HEATR5B: variants seen among roughly 807,000 people sequenced by gnomAD.
HEATR5B encodes HEAT repeat-containing protein 5B.
HEATR5B carries 156 observed loss-of-function variants against 224.1 expected under a neutral mutation model. That is an observed-to-expected ratio of 0.70 (90% CI 0.61 to 0.80). The LOEUF (loss-of-function observed/expected upper bound fraction) is 0.80. Ranked by LOEUF, HEATR5B falls within the 30% of genes least tolerant of loss-of-function variation. HEATR5B has a pLI of 0.00. For missense variants in HEATR5B, 2,323 were observed against 2,535.5 expected (o/e 0.92, Z 1.80); for synonymous variants, 1,027 against 893.0 (o/e 1.15, Z -2.68).
intron 17 of HEATR5B, 130 bp downstream of exon 17, chr2:37,053,368 TTAAC>T (rs1670681525): frequency 1.9e-5 from 8 of 428,150 alleles, no homozygotes; most frequent in Admixed American, 8.5e-5. Flanking sequence ...TTCAAGTAAT[TTAAC>T]TAAGCTAACG....
At chr2:36,997,647 A>G (rs1666815057) in intron 33 of HEATR5B, among the ~76,000 whole-genome samples, 3 of 143,462 alleles carry the variant, frequency 2.1e-5, no homozygotes, top group Non-Finnish European at 4.5e-5. Flanking sequence ...GCTCACTGCA[A>G]CCTCTGCCAC....
intron 21 of HEATR5B, among the ~76,000 whole-genome samples, chr2:37,035,818 C>G (rs1279379480): frequency 6.6e-6 from 1 of 152,174 alleles, no homozygotes; most frequent in East Asian, 1.9e-4. Flanking sequence ...CCAGACCTCT[C>G]TTTTCTGAGC....
At chr2:37,012,833 C>G (rs1667872528) in intron 27 of HEATR5B, among the ~76,000 whole-genome samples, 1 of 152,218 alleles carries the variant, frequency 6.6e-6, no homozygotes, top group Admixed American at 6.5e-5. Context: ...TCAATGTAAA[C>G]ATCACTTTCT....
chr2:36,986,660 C>T (rs537896532), intron 35 of HEATR5B, among the ~76,000 whole-genome samples: 1 of 152,224 alleles, frequency 6.6e-6, no homozygotes, highest in South Asian at 2.1e-4. Context: ...CTCTGTCACC[C>T]AGGCTGGAGC....
chr2:37,048,988 T>G (rs1204540897), intron 18 of HEATR5B, among the ~76,000 whole-genome samples: 1 of 152,230 alleles, frequency 6.6e-6, no homozygotes, highest in Non-Finnish European at 1.5e-5. Context: ...AAGAATGATA[T>G]AATTTACATA....
intron 27 of HEATR5B, among the ~76,000 whole-genome samples, chr2:37,010,127 G>A (rs977533198): frequency 1.3e-5 from 2 of 151,914 alleles, no homozygotes; most frequent in African/African-American, 4.8e-5. Context: ...CCTTTGTTTT[G>A]TAATACATTT....
chr2:37,062,361 C>T (rs902798562), intron 10 of HEATR5B, among the ~76,000 whole-genome samples: 2 of 151,954 alleles, frequency 1.3e-5, no homozygotes, highest in South Asian at 2.1e-4. Context: ...ACTGGGGAGG[C>T]GGAGGTTGCA....
At position 37,005,665 on chromosome 2, in the gene HEATR5B, G is replaced by GTA. The variant is rs1667367004; in HGVS notation, c.4871_4872insTA (p.Pro1625ThrfsTer13). 7.4e-6 allele frequency: 12 copies of GTA among 1,613,384 alleles called. No individual in the cohort carries two copies. The highest frequency in any genetic ancestry group is 1.0e-5 in the Non-Finnish European group (12 of 1,179,528). Reference sequence around the variant, plus strand: ...CTGCAATATGGACTCGAGCATAAGGGGAGTCTAGCAAGGTATGTAAGGCCT... The same window carrying GTA: ...CTGCAATATGGACTCGAGCATAAGGGTAGAGTCTAGCAAGGTATGTAAGGCCT... On this transcript the variant is annotated frameshift_variant, in exon 30 of 36. Transcript: ENST00000233099. LOFTEE classifies it high-confidence loss of function.
chr2:37,014,588 C>T (rs1203987948), intron 26 of HEATR5B, among the ~76,000 whole-genome samples: 4 of 151,878 alleles, frequency 2.6e-5, no homozygotes, highest in Non-Finnish European at 4.4e-5. Context: ...AATAATTTTC[C>T]ACCCAAAGCA....
chr2:36,984,090 C>T (rs899925108), intron 35 of HEATR5B, among the ~76,000 whole-genome samples: 1 of 148,866 alleles, frequency 6.7e-6, no homozygotes, highest in Non-Finnish European at 1.5e-5. Context: ...ATCCCAGCTA[C>T]TCCTGAGGCT....
chr2:37,012,693 G>C (rs1240898379), intron 27 of HEATR5B, among the ~76,000 whole-genome samples: 2 of 152,080 alleles, frequency 1.3e-5, no homozygotes, highest in Non-Finnish European at 2.9e-5. Flanking sequence ...CCTGGCCTAG[G>C]GCGCAGTTTT....
At position 36,981,420 on chromosome 2, in the gene HEATR5B, G is replaced by T; in HGVS notation, c.*70C>A. 1 of 1,192,342 alleles carries T rather than the reference G, an allele frequency of 8.4e-7. No individual in the cohort carries two copies. The highest frequency in any genetic ancestry group is 1.5e-5 in the South Asian group (1 of 66,078). The allele number at this position is 1,192,342 out of a possible 1,614,324, so 73.9% of individuals were successfully genotyped here. A position where few individuals can be genotyped will look rare whatever the true frequency, so the allele number is the denominator to read the frequency against. On this transcript the variant is annotated 3_prime_UTR_variant, in exon 36 of 36. Transcript: ENST00000233099. ...TAAAACAGAACCCATAGGTAGCCTG[G>T]AATGATACAGTGGCCATCACTAATT...
chr2:37,006,982 G>C, intron 29 of HEATR5B, 68 bp downstream of exon 29: 1 of 1,489,394 alleles, frequency 6.7e-7, no homozygotes. Context: ...TCTTTCCATA[G>C]CTTTAAAATG....
At chr2:36,992,859 G>A (rs1373100602) in intron 33 of HEATR5B, among the ~76,000 whole-genome samples, 1 of 151,810 alleles carries the variant, frequency 6.6e-6, no homozygotes, top group East Asian at 1.9e-4. Context: ...CGAGGAGGTG[G>A]GACTACAGGC....
In HEATR5B at chr2:37,077,028, A is replaced by C; in HGVS notation, c.339-9T>G. On this transcript the variant is annotated splice_polypyrimidine_tract_variant and intron_variant, in intron 3 of 35. Coordinates refer to ENST00000233099, the MANE Select transcript of HEATR5B (RefSeq NM_019024.3). ...CACAAGCCACCGCAGCCCTGTAAGA[A>C]GTGACAACTTCACTAGTCATTGTCC... 1 of 1,595,834 alleles carries C rather than the reference A, an allele frequency of 6.3e-7. No homozygotes were observed. Among genetic ancestry groups the C allele is most frequent in the South Asian group, 1.1e-5 (1 of 90,610 alleles).
Position 37,041,486 on chromosome 2 carries a change from C to T in HEATR5B, c.2697-194G>A, listed in dbSNP as rs116682840. Reference sequence around the variant, plus strand: ...CTACAGCTGGGTGTCATGGCTCATGCCTGTAATCCCAGCATTTGGGAGGCT... The same window carrying T: ...CTACAGCTGGGTGTCATGGCTCATGTCTGTAATCCCAGCATTTGGGAGGCT... On this transcript the variant is annotated intron_variant, in intron 18 of 35. Transcript: ENST00000233099. 6.3e-3 allele frequency among the ~76,000 whole-genome samples: 957 copies of T among 152,278 alleles called. 9 individuals are homozygous for T. Among genetic ancestry groups the T allele is most frequent in the African/African-American group, 0.02 (828 of 41,540 alleles).
At chr2:37,046,075 T>A (rs899250992) in intron 18 of HEATR5B, among the ~76,000 whole-genome samples, 2 of 152,210 alleles carry the variant, frequency 1.3e-5, no homozygotes, top group African/African-American at 4.8e-5. Context: ...AGATTTGAAA[T>A]GAAGCTAACA....
chr2:36,982,863 TACACACACACACACACACAC>T (rs3836070), intron 35 of HEATR5B, among the ~76,000 whole-genome samples: 14 of 126,002 alleles, frequency 1.1e-4, no homozygotes, highest in African/African-American at 2.9e-4. Context: ...CAGACACAGA[TACACACACACACACACACAC>T]ACACACACAC....
At chr2:36,990,557 C>A in intron 34 of HEATR5B, 91 bp downstream of exon 34, 1 of 1,202,496 alleles carries the variant, frequency 8.3e-7, no homozygotes. Context: ...CTTAGCTTTT[C>A]ATTATGTATC....
Sources: allele counts gnomAD v4.1 joint callset (sites outside exome capture counted in the v4.1 genomes callset), GRCh38; gene constraint gnomAD v4.1.1; transcripts MANE v1.5; gene names NCBI Gene and HGNC (gene_info 2026-07-23, HGNC 2026-07-21).